ACSF3: variants seen among roughly 807,000 people sequenced by gnomAD.
ACSF3 encodes malonate--CoA ligase ACSF3, mitochondrial.
Under a neutral mutation model 53.2 loss-of-function variants are expected in ACSF3, and 78 were observed. The observed-to-expected ratio is 1.47, with a 90% confidence interval of 1.22 to 1.77. The LOEUF is 1.77. Among genes scored for constraint, ACSF3 ranks in the 40% most tolerant of loss-of-function variants. ACSF3 has a pLI of 0.00. For synonymous variants in ACSF3, 414 were observed against 333.1 expected, an observed-to-expected ratio of 1.24 and a Z score of -2.65; for missense variants, 937 against 771.1, an observed-to-expected ratio of 1.22 and a Z score of -2.55.
chr16:89,120,043 G>C (rs1906240933), intron 6 of ACSF3, among the ~76,000 whole-genome samples: 1 of 152,230 alleles, frequency 6.6e-6, no homozygotes, highest in Non-Finnish European at 1.5e-5. Flanking sequence ...ACATCGCCAG[G>C]GCCGCACTCC....
chr16:89,133,104 G>C (rs1165050254), intron 7 of ACSF3, 32 bp from the exon 8 acceptor site: 2 of 1,612,558 alleles, frequency 1.2e-6, no homozygotes, highest in Admixed American at 1.7e-5. Context: ...GGTGTGCCCA[G>C]CTCTGACCTC....
chr16:89,096,888 C>T (rs1285666726), intron 1 of ACSF3, among the ~76,000 whole-genome samples: 1 of 152,240 alleles, frequency 6.6e-6, no homozygotes, highest in Non-Finnish European at 1.5e-5. Context: ...CCAGTCACAT[C>T]TGTCACCTCC....
intron 8 of ACSF3, among the ~76,000 whole-genome samples, chr16:89,135,324 A>G (rs1910210904): frequency 6.6e-6 from 1 of 152,210 alleles, no homozygotes; most frequent in South Asian, 2.1e-4. Context: ...TCTCCGCCTC[A>G]TGGCCTGATC....
chr16:89,135,832 TG>T (rs1370679828), intron 8 of ACSF3, among the ~76,000 whole-genome samples: 3 of 152,276 alleles, frequency 2.0e-5, no homozygotes, highest in Non-Finnish European at 4.4e-5. Context: ...TGCAGTGCAG[TG>T]GCACGATCTC....
chr16:89,114,076 T>C (rs769288378), intron 5 of ACSF3: 1 of 528,512 alleles, frequency 1.9e-6, no homozygotes, highest in Non-Finnish European at 3.5e-6. Context: ...TTGTTTACCC[T>C]CATTAGCTGT....
intron 5 of ACSF3, 127 bp from the exon 6 acceptor site, chr16:89,114,212 C>G (rs1225649130): frequency 7.7e-7 from 1 of 1,304,552 alleles, no homozygotes; most frequent in Non-Finnish European, 1.1e-6. Flanking sequence ...GCCTGGGGCT[C>G]CTGCACTCGT....
Position 89,143,681 on chromosome 16 carries a change from C to G in ACSF3, c.1367-1586C>G, listed in dbSNP as rs556200798. Reference sequence around the variant, plus strand: ...CGCCCACAGCCCAACCTGCACACCCCCTTCCAGCCGCCCAGACTACCCCAG... The same window carrying G: ...CGCCCACAGCCCAACCTGCACACCCGCTTCCAGCCGCCCAGACTACCCCAG... On this transcript the variant is annotated intron_variant, in intron 8 of 10. Transcript: ENST00000614302. 7.3e-4 allele frequency among the ~76,000 whole-genome samples: 111 copies of G among 152,286 alleles called. 2 individuals are homozygous for G. The South Asian group carries it at 0.022, about 30-fold the overall frequency.
At chr16:89,114,084 T>C in intron 5 of ACSF3, 1 of 552,136 alleles carries the variant, frequency 1.8e-6, no homozygotes, top group East Asian at 3.4e-5. Context: ...CCTCATTAGC[T>C]GTTGGACCTG....
chr16:89,139,679 G>A (rs1354511703), intron 8 of ACSF3, among the ~76,000 whole-genome samples: 3 of 139,546 alleles, frequency 2.1e-5, no homozygotes, highest in African/African-American at 2.7e-5. Flanking sequence ...TGCAACCTCC[G>A]CCTTCCGGGT....
intron 7 of ACSF3, among the ~76,000 whole-genome samples, chr16:89,131,606 T>A (rs1909339136): frequency 6.6e-6 from 1 of 151,866 alleles, no homozygotes; most frequent in Admixed American, 6.6e-5. Flanking sequence ...TGTGAAGATG[T>A]TGAGGTGTTT....
chr16:89,124,539 TCTG>T (rs1310965002), intron 7 of ACSF3, among the ~76,000 whole-genome samples: 1 of 133,020 alleles, frequency 7.5e-6, no homozygotes, highest in Non-Finnish European at 1.7e-5. Flanking sequence ...GTGTTACCCA[TCTG>T]CTCACTGTAT....
rs548576133 is a variant in ACSF3 at position 89,123,188 on chromosome 16, G to C, written c.1239+2275G>C. Among the ~76,000 whole-genome samples, 4 of 152,298 alleles carry C rather than the reference G, an allele frequency of 2.6e-5. No individual in the cohort carries two copies. The East Asian group carries it at 7.7e-4, about 29-fold the overall frequency. On this transcript the variant is annotated intron_variant, in intron 7 of 10. Transcript: ENST00000614302. ...TCCACCAGGGGCCAAGACCCTTCGT[G>C]GGGAGGAGCACAGCCTGAGGGCCTC...
intron 1 of ACSF3, among the ~76,000 whole-genome samples, chr16:89,097,430 G>A (rs375590442): frequency 5.9e-5 from 9 of 152,216 alleles, no homozygotes; most frequent in Admixed American, 3.9e-4. Flanking sequence ...CCCCTGCTCC[G>A]AGCACCCAAG....
chr16:89,128,868 C>G (rs1908697220), intron 7 of ACSF3, among the ~76,000 whole-genome samples: 1 of 152,144 alleles, frequency 6.6e-6, no homozygotes, highest in Admixed American at 6.6e-5. Flanking sequence ...GTGGCTCACA[C>G]CTGTAATCCC....
In ACSF3 at chr16:89,155,217, C is replaced by T. The variant is rs1310309071; in HGVS notation, c.*1010C>T. On this transcript the variant is annotated 3_prime_UTR_variant, in exon 11 of 11. Coordinates refer to ENST00000614302, the MANE Select transcript of ACSF3 (RefSeq NM_001243279.3). ...AGAATAGGCTGCCTCCTCCCCACAG[C>T]CTGGGGGAAGTAACAGTCATCGCCC... 2.2e-6 allele frequency: 1 copy of T among 454,142 alleles called. No individual in the cohort carries two copies. Among genetic ancestry groups the T allele is most frequent in the East Asian group, 6.9e-5 (1 of 14,400 alleles). The allele number at this position is 454,142 out of a possible 1,614,324, so 28.1% of individuals were successfully genotyped here.
At chr16:89,121,049 T>C in intron 7 of ACSF3, 136 bp downstream of exon 7, 1 of 754,014 alleles carries the variant, frequency 1.3e-6, no homozygotes, top group Non-Finnish European at 2.2e-6. Flanking sequence ...ACACTGCAGG[T>C]GCTGGCTGGT....
intron 6 of ACSF3, among the ~76,000 whole-genome samples, chr16:89,116,839 C>T (rs1266119281): frequency 6.6e-6 from 1 of 152,238 alleles, no homozygotes; most frequent in African/African-American, 2.4e-5. Flanking sequence ...CTAGCGGCCC[C>T]TGCTCTGGGC....
intron 10 of ACSF3, chr16:89,150,855 C>A: frequency 1.7e-6 from 1 of 597,470 alleles, no homozygotes; most frequent in Non-Finnish European, 2.5e-6. Context: ...GCTGAGACTG[C>A]AGTGCTTGTC....
Position 89,101,326 on chromosome 16 carries a change from G to A in ACSF3, c.645G>A (p.Thr215=), listed in dbSNP as rs772996642. 8.2e-6 allele frequency: 13 copies of A among 1,592,618 alleles called. No individual in the cohort carries two copies. In the East Asian group the frequency reaches 1.4e-4, roughly 17 times the overall value. Reference sequence around the variant, plus strand: ...GGAGGCCCAAGGGCGTGCTGAGCACGCACCAAAACATCAGGGCTGTGGTGA... The same window carrying A: ...GGAGGCCCAAGGGCGTGCTGAGCACACACCAAAACATCAGGGCTGTGGTGA... ...TTGRPKGVLS[T]HQNIRAVVTG... Residue 215 remains threonine (T), a synonymous_variant, in exon 3 of 11, where the codon ACG becomes ACA. Transcript: ENST00000614302.
Sources: gnomAD v4.1 joint callset for allele counts (sites outside exome capture counted in the v4.1 genomes callset) on GRCh38, gnomAD v4.1.1 for gene constraint, MANE v1.5 for transcripts, NCBI Gene and HGNC (gene_info 2026-07-23, HGNC 2026-07-21) for gene names.